The following PCDHB1 variants were observed in gnomAD, a reference collection of about 807,000 sequenced individuals.
The protein encoded by PCDHB1 is protocadherin beta 1.
A neutral mutation model predicts 43.5 loss-of-function variants in PCDHB1; 44 were observed. That is an observed-to-expected ratio of 1.01 (90% CI 0.79 to 1.30). PCDHB1 has a LOEUF of 1.30. Ranked by LOEUF, PCDHB1 falls within the 50% of genes most tolerant of loss-of-function variation. PCDHB1 has a pLI of 0.00. For synonymous variants in PCDHB1, 392 were observed against 400.8 expected, an observed-to-expected ratio of 0.98 and a Z score of 0.26; for missense variants, 919 against 1,008.9, an observed-to-expected ratio of 0.91 and a Z score of 1.21.
rs1554267193 is a variant in PCDHB1, at chr5:141,052,145, A to G, written c.675A>G (p.Thr225=). ...GCGGGTCCCCGCCTAAGTCTGGCAC[A>G]GCTCACATCCACGTGGTGGTTCTGG... ...VDGGSPPKSG[T]AHIHVVVLDV... is the part of the protein sequence containing the mutation. The change falls in exon 1 of 1, where the codon ACA becomes ACG. Residue 225 remains threonine (T), a synonymous_variant. Transcript: ENST00000306549. The G allele has an allele frequency of 1.9e-6, 3 of 1,613,668 alleles. No individual in the cohort carries two copies. Among genetic ancestry groups the G allele is most frequent in the East Asian group, 2.2e-5 (1 of 44,836 alleles).
In PCDHB1 at chr5:141,054,600, T is replaced by C. The variant is rs1264186403; in HGVS notation, c.*673T>C. ...GGTGGAGAAAGAAAAGGATTTCACT[T>C]ATTTGCAAATGTGAATAAGGGCAGA... On this transcript the variant is annotated 3_prime_UTR_variant, in exon 1 of 1. Transcript: ENST00000306549. 6.6e-6 allele frequency: 1 copy of C among 152,044 alleles called. No individual in the cohort carries two copies. Among genetic ancestry groups the C allele is most frequent in the East Asian group, 1.9e-4 (1 of 5,192 alleles). 9.4% of individuals were successfully genotyped at this position (152,044 alleles called of 1,614,324 possible). A position where few individuals can be genotyped will look rare whatever the true frequency, so the allele number is the denominator to read the frequency against.
rs1751053477 is a variant in PCDHB1 at position 141,053,603 on chromosome 5, T to A, written c.2133T>A (p.Ile711=). 2 of 1,613,702 alleles carry A rather than the reference T, an allele frequency of 1.2e-6. No individual in the cohort carries two copies. Among genetic ancestry groups the A allele is most frequent in the Admixed American group, 1.7e-5 (1 of 60,008 alleles). Residue 711 remains isoleucine (I), a synonymous_variant, in exon 1 of 1, where the codon ATT becomes ATA. Coordinates refer to ENST00000306549, the MANE Select transcript of PCDHB1 (RefSeq NM_013340.4). ...LFLLSVIVIF[I]IHVYQKIKYR... ...TCCTCTCTGTCATAGTGATCTTCAT[T>A]ATACATGTCTACCAAAAGATTAAAT...
In PCDHB1 at chr5:141,053,015, C is replaced by T. The variant is rs549296755; in HGVS notation, c.1545C>T (p.Tyr515=). Reference sequence around the variant, plus strand: ...TAAATTCAGGCAATGGGAAGCTCTACGCGCTGAGAACCATGGATTATGAGG... The same window carrying T: ...TAAATTCAGGCAATGGGAAGCTCTATGCGCTGAGAACCATGGATTATGAGG... The part of the protein sequence containing the change: ...ISINSGNGKL[Y]ALRTMDYEAI... The change falls in exon 1 of 1, where the codon TAC becomes TAT. Residue 515 remains tyrosine (Y), a synonymous_variant. Transcript: ENST00000306549. 6.4e-5 allele frequency: 103 copies of T among 1,614,196 alleles called. 1 individual carries two copies. The highest frequency in any genetic ancestry group is 6.1e-4 in the South Asian group (56 of 91,090).
At position 141,051,875 on chromosome 5, in the gene PCDHB1, C is replaced by T; in HGVS notation, c.405C>T (p.Asn135=). The T allele has an allele frequency of 5.0e-6, 8 of 1,614,168 alleles. No individual in the cohort carries two copies. The highest frequency in any genetic ancestry group is 6.8e-6 in the Non-Finnish European group (8 of 1,180,010). ...DINDNAPVFL[N]KEPLLKIPES... is the part of the protein sequence containing the mutation. ...ATGACAATGCCCCAGTTTTCCTAAA[C>T]AAGGAGCCGCTTTTAAAGATTCCGG... The change falls in exon 1 of 1, where the codon AAC becomes AAT. Residue 135 remains asparagine (N), a synonymous_variant. Coordinates refer to ENST00000306549, the MANE Select transcript of PCDHB1 (RefSeq NM_013340.4).
rs1312471152 is a variant in PCDHB1, at chr5:141,051,622, A to T, written c.152A>T (p.Asp51Val). 2 of 1,614,028 alleles carry T rather than the reference A, an allele frequency of 1.2e-6. No individual in the cohort carries two copies. The highest frequency in any genetic ancestry group is 1.3e-5 in the African/African-American group (1 of 74,934). Residue 51 changes from aspartate to valine, a missense_variant, in exon 1 of 1, where the codon GAC becomes GTC. Coordinates refer to ENST00000306549, the MANE Select transcript of PCDHB1 (RefSeq NM_013340.4). ...TCGTTTGTGGCCAACGTAGCTAAGGACCTAGGACTGGAGGTAGGGAAGCTG... is the reference window on the plus strand; with the variant it reads ...TCGTTTGTGGCCAACGTAGCTAAGGTCCTAGGACTGGAGGTAGGGAAGCTG... ...SGSFVANVAKDLGLEVGKLAA... is the reference protein window; with the variant it reads ...SGSFVANVAKVLGLEVGKLAA...
chr5:141,053,842 C>T lies in PCDHB1; in HGVS notation c.2372C>T (p.Ala791Val), dbSNP rs544976743. Residue 791 changes from alanine to valine, a missense_variant, in exon 1 of 1, where the codon GCT (alanine) becomes GTT (valine). Coordinates refer to ENST00000306549, the MANE Select transcript of PCDHB1 (RefSeq NM_013340.4). ...GCCACTGGGGAGATAAAAATGGAGG[C>T]TGGCTCCAGTTTGCCCCCAAATTCT... ...PHATGEIKME[A>V]GSSLPPNSDR... 5.6e-6 allele frequency: 9 copies of T among 1,614,128 alleles called. No homozygotes were observed. The highest frequency in any genetic ancestry group is 7.6e-6 in the Non-Finnish European group (9 of 1,179,988).
chr5:141,057,557 A>T lies in PCDHB1; in HGVS notation c.*3630A>T, dbSNP rs1554267937. ...CTCTGTCTCAAAAAAAAAAAAAAAA[A>T]AGAAAAAAAGAAAAAAGAAAAAAAA... On this transcript the variant is annotated 3_prime_UTR_variant, in exon 1 of 1. Transcript: ENST00000306549. The T allele has an allele frequency of 6.7e-6, 1 of 149,790 alleles. No individual in the cohort carries two copies. Among genetic ancestry groups the T allele is most frequent in the Non-Finnish European group, 1.5e-5 (1 of 67,588 alleles). 9.3% of individuals were successfully genotyped at this position (149,790 alleles called of 1,614,324 possible).
At position 141,051,990 on chromosome 5, in the gene PCDHB1, G is replaced by A; in HGVS notation, c.520G>A (p.Ala174Thr). The change falls in exon 1 of 1, where the codon GCC becomes ACC. Residue 174 changes from alanine to threonine, a missense_variant. Physicochemically the swap from Ala to Thr is moderately conservative, Grantham distance 58 (BLOSUM62 0). Coordinates refer to ENST00000306549, the MANE Select transcript of PCDHB1 (RefSeq NM_013340.4). ...CGGTCTCCAGAACTACACCCTGAGT[G>A]CCAATGGGTATTTCCACCTGCACAC... ...LNGLQNYTLS[A>T]NGYFHLHTRF... 6.2e-7 allele frequency: 1 copy of A among 1,614,182 alleles called. No homozygotes were observed. The highest frequency in any genetic ancestry group is 8.5e-7 in the Non-Finnish European group (1 of 1,180,048).
In PCDHB1 at chr5:141,052,309, CTT is replaced by C. The variant is rs1312921192; in HGVS notation, c.841_842del (p.Leu281SerfsTer14). On this transcript the variant is annotated frameshift_variant, in exon 1 of 1. Coordinates refer to ENST00000306549, the MANE Select transcript of PCDHB1 (RefSeq NM_013340.4). LOFTEE classifies it high-confidence loss of function. ...GGCACCAACAAAGCGATAACTTACTCTTTAGCTCAAAACCCAGAAGCAATTCT... is the reference window on the plus strand; with the variant it reads ...GGCACCAACAAAGCGATAACTTACTCTAGCTCAAAACCCAGAAGCAATTCT... 4 of 1,614,122 alleles carry C rather than the reference CTT, an allele frequency of 2.5e-6. No individual in the cohort carries two copies. In the African/African-American group the frequency reaches 5.3e-5, roughly 22 times the overall value.
Position 141,051,611 on chromosome 5 carries a change from C to G in PCDHB1, c.141C>G (p.Asn47Lys). 6.2e-7 allele frequency: 1 copy of G among 1,614,236 alleles called. No homozygotes were observed. Among genetic ancestry groups the G allele is most frequent in the Non-Finnish European group, 8.5e-7 (1 of 1,180,040 alleles). Residue 47 changes from asparagine (N) to lysine (K), a missense_variant, in exon 1 of 1, where the codon AAC becomes AAG. Asn to Lys is a moderately conservative substitution (Grantham distance 94, BLOSUM62 0). Transcript: ENST00000306549. ...EEMESGSFVA[N>K]VAKDLGLEVG... ...TGGAGAGCGGCTCGTTTGTGGCCAA[C>G]GTAGCTAAGGACCTAGGACTGGAGG...
In PCDHB1 at chr5:141,051,995, T is replaced by C. The variant is rs1031520472; in HGVS notation, c.525T>C (p.Asn175=). 2 of 1,614,166 alleles carry C rather than the reference T, an allele frequency of 1.2e-6. No homozygotes were observed. The highest frequency in any genetic ancestry group is 1.1e-5 in the South Asian group (1 of 91,084). ...NGLQNYTLSA[N]GYFHLHTRFC... ...TCCAGAACTACACCCTGAGTGCCAA[T>C]GGGTATTTCCACCTGCACACCCGCT... is the stretch of plus-strand genomic sequence containing the variant. The change falls in exon 1 of 1, where the codon AAT becomes AAC. Residue 175 remains asparagine, a synonymous_variant. Transcript: ENST00000306549.
At position 141,058,998 on chromosome 5, in the gene PCDHB1, T is replaced by C. The variant is rs1266531023; in HGVS notation, c.*5071T>C. 2 of 152,194 alleles carry C rather than the reference T, an allele frequency of 1.3e-5. No homozygotes were observed. The highest frequency in any genetic ancestry group is 3.8e-4 in the East Asian group (2 of 5,202). The allele number at this position is 152,194 out of a possible 1,614,324, so 9.4% of individuals were successfully genotyped here. A position where few individuals can be genotyped will look rare whatever the true frequency, so the allele number is the denominator to read the frequency against. Reference sequence around the variant, plus strand: ...AGATTTTTAAGACTGGAATTATCCATATAGAATACATTTTTATCAAAATTA... The same window carrying C: ...AGATTTTTAAGACTGGAATTATCCACATAGAATACATTTTTATCAAAATTA... On this transcript the variant is annotated 3_prime_UTR_variant, in exon 1 of 1. Coordinates refer to ENST00000306549, the MANE Select transcript of PCDHB1 (RefSeq NM_013340.4).
rs1751033935 is a variant in PCDHB1 at position 141,053,045 on chromosome 5, T to A, written c.1575T>A (p.Ile525=). 1.9e-6 allele frequency: 3 copies of A among 1,614,088 alleles called. No homozygotes were observed. The highest frequency in any genetic ancestry group is 1.1e-5 in the South Asian group (1 of 91,086). ...YALRTMDYEA[I]QDFQFVVKAT... ...TGAGAACCATGGATTATGAGGCCAT[T>A]CAAGATTTTCAATTTGTGGTAAAGG... The change falls in exon 1 of 1, where the codon ATT becomes ATA. Residue 525 remains isoleucine (I), a synonymous_variant. Coordinates refer to ENST00000306549, the MANE Select transcript of PCDHB1 (RefSeq NM_013340.4).
rs535647469 is a variant in PCDHB1 at position 141,055,435 on chromosome 5, A to AATAAATAC, written c.*1529_*1536dup. The AATAAATAC allele has an allele frequency of 2.6e-5, 4 of 152,202 alleles. No individual in the cohort carries two copies. Among genetic ancestry groups the AATAAATAC allele is most frequent in the East Asian group, 1.9e-4 (1 of 5,194 alleles). The allele number at this position is 152,202 out of a possible 1,614,324, so 9.4% of individuals were successfully genotyped here. A position where few individuals can be genotyped will look rare whatever the true frequency, so the allele number is the denominator to read the frequency against. ...TGAGACGCTGTCTCAAAAACATAAA[A>AATAAATAC]ATAAATACATAAATACATAAATACA... On this transcript the variant is annotated 3_prime_UTR_variant, in exon 1 of 1. Transcript: ENST00000306549.
In PCDHB1 at chr5:141,053,145, C is replaced by T. The variant is rs1416593174; in HGVS notation, c.1675C>T (p.Arg559Cys). The T allele has an allele frequency of 3.7e-6, 6 of 1,614,072 alleles. No homozygotes were observed. Among genetic ancestry groups the T allele is most frequent in the South Asian group, 3.3e-5 (3 of 91,080 alleles). ...GGTTGTCCTAGATGACAATGACAAT[C>T]GTCCAATGATCTTATACCCACTGCA... Reference protein sequence around the residue: ...RVVVLDDNDNRPMILYPLQNG... With the variant: ...RVVVLDDNDNCPMILYPLQNG... Residue 559 changes from arginine (R) to cysteine (C), a missense_variant, in exon 1 of 1, where the codon CGT becomes TGT. By Grantham distance (180) the Arg-to-Cys change is radical. Coordinates refer to ENST00000306549, the MANE Select transcript of PCDHB1 (RefSeq NM_013340.4).
chr5:141,052,892 C>G lies in PCDHB1; in HGVS notation c.1422C>G (p.Val474=), dbSNP rs782558543. The change falls in exon 1 of 1, where the codon GTC becomes GTG. Residue 474 remains valine (V), a synonymous_variant. Coordinates refer to ENST00000306549, the MANE Select transcript of PCDHB1 (RefSeq NM_013340.4). The part of the protein sequence containing the change: ...NNSPAVFIGK[V]HAEDLDLGEN... ...GTCCTGCGGTTTTTATTGGCAAAGT[C>G]CATGCTGAGGATCTTGATTTGGGTG... 8.7e-6 allele frequency: 14 copies of G among 1,614,034 alleles called. No homozygotes were observed. In the East Asian group the frequency reaches 3.1e-4, roughly 36 times the overall value.
Position 141,058,192 on chromosome 5 carries a change from T to A in PCDHB1, c.*4265T>A, listed in dbSNP as rs1751172229. ...TAACAGTTTTCCCCCAATGTCCTTT[T>A]TCTATTCAAGGATCCAATCCAGGAT... On this transcript the variant is annotated 3_prime_UTR_variant, in exon 1 of 1. Coordinates refer to ENST00000306549, the MANE Select transcript of PCDHB1 (RefSeq NM_013340.4). 6.6e-6 allele frequency: 1 copy of A among 152,192 alleles called. No individual in the cohort carries two copies. The highest frequency in any genetic ancestry group is 2.1e-4 in the South Asian group (1 of 4,832). 9.4% of individuals were successfully genotyped at this position (152,192 alleles called of 1,614,324 possible).
chr5:141,051,982 C>T lies in PCDHB1; in HGVS notation c.512C>T (p.Thr171Ile), dbSNP rs550698671. The T allele has an allele frequency of 8.1e-6, 13 of 1,614,186 alleles. No homozygotes were observed. The South Asian group carries it at 1.2e-4, about 15-fold the overall frequency. ...GGCCTTAACGGTCTCCAGAACTACACCCTGAGTGCCAATGGGTATTTCCAC... is the reference window on the plus strand; with the variant it reads ...GGCCTTAACGGTCTCCAGAACTACATCCTGAGTGCCAATGGGTATTTCCAC... ...DVGLNGLQNY[T>I]LSANGYFHLH... The change falls in exon 1 of 1, where the codon ACC becomes ATC. Residue 171 changes from threonine (T) to isoleucine (I), a missense_variant. Transcript: ENST00000306549.
At position 141,052,276 on chromosome 5, in the gene PCDHB1, T is replaced by C. The variant is rs782610578; in HGVS notation, c.806T>C (p.Leu269Pro). 1.2e-6 allele frequency: 2 copies of C among 1,614,180 alleles called. No individual in the cohort carries two copies. Among genetic ancestry groups the C allele is most frequent in the Non-Finnish European group, 1.7e-6 (2 of 1,180,036 alleles). The change falls in exon 1 of 1, where the codon CTA (leucine) becomes CCA (proline). Residue 269 changes from leucine to proline, a missense_variant. Transcript: ENST00000306549. ...SLVATVTAVD[L>P]DEGTNKAITY... Reference sequence around the variant, plus strand: ...GTGGCCACGGTGACTGCCGTGGACCTAGACGAGGGCACCAACAAAGCGATA... The same window carrying C: ...GTGGCCACGGTGACTGCCGTGGACCCAGACGAGGGCACCAACAAAGCGATA...
Sources: gnomAD v4.1 joint callset for allele counts on GRCh38, gnomAD v4.1.1 for gene constraint, MANE v1.5 for transcripts, NCBI Gene and HGNC (gene_info 2026-07-23, HGNC 2026-07-21) for gene names.